ZNF362: variants seen among roughly 807,000 people sequenced by gnomAD.
The protein encoded by ZNF362 is zinc finger protein 362.
In ZNF362, 11 loss-of-function variants were observed where a neutral mutation model predicts 42.9. That is an observed-to-expected ratio of 0.26 (90% CI 0.16 to 0.42). ZNF362 has a LOEUF of 0.42. ZNF362 is among the 20% of genes least tolerant of loss of function. The pLI, the probability that ZNF362 is intolerant of heterozygous loss-of-function variation, is 1.00. For synonymous variants in ZNF362, 255 were observed against 257.3 expected, an observed-to-expected ratio of 0.99 and a Z score of 0.09; for missense variants, 362 against 576.2, an observed-to-expected ratio of 0.63 and a Z score of 3.81.
chr1:33,170,150 C>T, the ZNF362 span, among the ~76,000 whole-genome samples: 1 of 151,992 alleles, frequency 6.6e-6, no homozygotes, highest in Non-Finnish European at 1.5e-5. Flanking sequence ...GCCAACATGG[C>T]AAAACCCCGT....
At chr1:33,236,781 A>T in the ZNF362 span, among the ~76,000 whole-genome samples, 1 of 151,786 alleles carries the variant, frequency 6.6e-6, no homozygotes, top group Admixed American at 6.6e-5. Flanking sequence ...GTAAACATAT[A>T]TCAAAATATC....
At chr1:33,289,470 G>T (rs1195057775) in intron 6 of ZNF362, among the ~76,000 whole-genome samples, 2 of 152,116 alleles carry the variant, frequency 1.3e-5, no homozygotes, top group African/African-American at 4.8e-5. Context: ...GGAGTCAAGG[G>T]GGAGGCCGGG....
At chr1:33,235,303 C>G in the ZNF362 span, among the ~76,000 whole-genome samples, 2 of 152,108 alleles carry the variant, frequency 1.3e-5, no homozygotes, top group Non-Finnish European at 2.9e-5. Flanking sequence ...ACCCCGCCCC[C>G]CAGGCACTCC....
At chr1:33,236,149 A>T in the ZNF362 span, among the ~76,000 whole-genome samples, 1 of 152,080 alleles carries the variant, frequency 6.6e-6, no homozygotes, top group Non-Finnish European at 1.5e-5. Flanking sequence ...TCACTAGGTG[A>T]AGGCTGGATT....
chr1:33,267,895 G>C (rs1195615168), intron 1 of ZNF362, among the ~76,000 whole-genome samples: 1 of 152,152 alleles, frequency 6.6e-6, no homozygotes, highest in African/African-American at 2.4e-5. Flanking sequence ...CAGGAAGTTT[G>C]GACATTTTTA....
the ZNF362 span, among the ~76,000 whole-genome samples, chr1:33,245,861 G>A: frequency 6.6e-6 from 1 of 152,144 alleles, no homozygotes; most frequent in Non-Finnish European, 1.5e-5. Flanking sequence ...ACTCACTTGA[G>A]CCCAAGAGAT....
chr1:33,277,187 T>C (rs1318427393), intron 4 of ZNF362, among the ~76,000 whole-genome samples: 4 of 152,250 alleles, frequency 2.6e-5, no homozygotes, highest in Non-Finnish European at 5.9e-5. Context: ...GTGCTGTTGG[T>C]ATTAGGTGGA....
the ZNF362 span, chr1:33,165,542 C>A: frequency 6.2e-7 from 1 of 1,610,392 alleles, no homozygotes; most frequent in Non-Finnish European, 8.5e-7. This position sits in a 1 kb window ranked among gnomAD's most constrained non-coding sequence, Gnocchi z 4.0. Context: ...TCTTGAAGGG[C>A]CTGAAGTTGG....
the ZNF362 span, among the ~76,000 whole-genome samples, chr1:33,240,060 G>C: frequency 6.6e-6 from 1 of 152,150 alleles, no homozygotes; most frequent in African/African-American, 2.4e-5. Context: ...ATCATCAGAG[G>C]GTGGTAGAAC....
the ZNF362 span, among the ~76,000 whole-genome samples, chr1:33,190,001 C>T: frequency 6.6e-6 from 1 of 151,796 alleles, no homozygotes; most frequent in Non-Finnish European, 1.5e-5. Flanking sequence ...CAATTTGGAT[C>T]CCCTGGAATC....
rs1645869362 is a variant in ZNF362, at chr1:33,266,993, C to T, written c.-88-3494C>T. Among the ~76,000 whole-genome samples the T allele has an allele frequency of 6.6e-6, 1 of 152,168 alleles. No homozygotes were observed. The highest frequency in any genetic ancestry group is 1.5e-5 in the Non-Finnish European group (1 of 68,024). On this transcript the variant is annotated intron_variant, in intron 1 of 8. Transcript: ENST00000539719. This position sits in a 1 kb window ranked among gnomAD's most constrained non-coding sequence, Gnocchi z 4.3. The stretch of plus-strand genomic sequence containing the variant: ...GGGAAGGCTCTCCTTCGGCTTGGTC[C>T]TCCCCGCTGGGGCCCCTGGATGGGA...
chr1:33,171,066 C>T, the ZNF362 span, among the ~76,000 whole-genome samples: 1 of 152,176 alleles, frequency 6.6e-6, no homozygotes, highest in Non-Finnish European at 1.5e-5. Flanking sequence ...GCTGCAGGGA[C>T]CATCTGGTCC....
chr1:33,275,381 C>T, intron 2 of ZNF362: 1 of 985,536 alleles, frequency 1.0e-6, no homozygotes, highest in Non-Finnish European at 1.2e-6. Flanking sequence ...GAGCCGCAGA[C>T]TGCCCTAGCT....
chr1:33,181,568 G>A, the ZNF362 span: 1 of 1,392,386 alleles, frequency 7.2e-7, no homozygotes, highest in Non-Finnish European at 9.3e-7. This position sits in a 1 kb window ranked among gnomAD's most constrained non-coding sequence, Gnocchi z 6.5. Flanking sequence ...TACCGGAGAA[G>A]GGAGGGGGTG....
the ZNF362 span, among the ~76,000 whole-genome samples, chr1:33,226,659 G>A: frequency 6.6e-6 from 1 of 152,204 alleles, no homozygotes; most frequent in Non-Finnish European, 1.5e-5. Flanking sequence ...GAGGTCAGGA[G>A]TTCAAGACCA....
the ZNF362 span, among the ~76,000 whole-genome samples, chr1:33,149,719 T>G: frequency 1.3e-5 from 2 of 152,226 alleles, no homozygotes; most frequent in Admixed American, 6.5e-5. Context: ...CCTCTCACAG[T>G]GCTGGGATTA....
At chr1:33,181,188 G>A in the ZNF362 span, 1 of 1,592,974 alleles carries the variant, frequency 6.3e-7, no homozygotes, top group East Asian at 2.3e-5. The surrounding 1 kb of genome is among the most constrained non-coding windows in gnomAD (Gnocchi z 6.5). Context: ...GTTGAGGATG[G>A]CGTCCAGCGG....
chr1:33,298,890 G>T, intron 8 of ZNF362, 40 bp from the exon 9 acceptor site: 3 of 1,567,120 alleles, frequency 1.9e-6, no homozygotes, highest in Non-Finnish European at 2.6e-6. Context: ...TCCCTCCCTT[G>T]CTGGTGGTTC....
the ZNF362 span, among the ~76,000 whole-genome samples, chr1:33,157,031 C>T: frequency 2.0e-5 from 3 of 149,640 alleles, no homozygotes; most frequent in Non-Finnish European, 4.5e-5. Context: ...CCATCCTTCA[C>T]CCCCTTCGGT....
Sources: allele counts gnomAD v4.1 joint callset (sites outside exome capture counted in the v4.1 genomes callset), GRCh38; gene constraint gnomAD v4.1.1; non-coding constraint Gnocchi (gnomAD v3.1); transcripts MANE v1.5; gene names NCBI Gene and HGNC (gene_info 2026-07-23, HGNC 2026-07-21).